The following HACE1 variants were observed in gnomAD, a reference collection of about 807,000 sequenced individuals.
The protein encoded by HACE1 is E3 ubiquitin-protein ligase HACE1.
In HACE1, 73 loss-of-function variants were observed where a neutral mutation model predicts 118.4. The observed-to-expected ratio is 0.62, with a 90% CI of 0.51 to 0.75. The LOEUF (loss-of-function observed/expected upper bound fraction) is 0.75, where lower values mean the gene tolerates loss of function less well. HACE1 is among the 30% of genes least tolerant of loss of function. HACE1 has a pLI of 0.00. For missense variants in HACE1, 749 were observed against 1,102.2 expected (o/e 0.68, Z 4.54); for synonymous variants, 368 against 374.8 (o/e 0.98, Z 0.21).
intron 10 of HACE1, among the ~76,000 whole-genome samples, chr6:104,793,942 T>C (rs1407401035): frequency 2.0e-5 from 3 of 152,248 alleles, no homozygotes; most frequent in Non-Finnish European, 1.5e-5. Flanking sequence ...GAGCACAGTT[T>C]AGCAGAGTAA....
At chr6:104,857,190 CATATATATTTACATATATAT>C (rs1562524544) in intron 1 of HACE1, among the ~76,000 whole-genome samples, 1 of 143,986 alleles carries the variant, frequency 6.9e-6, no homozygotes, top group African/African-American at 2.6e-5. Context: ...TATATATTTA[CATATATATTTACATATATAT>C]ATATATATTC....
At chr6:104,820,052 G>A (rs993769058) in intron 6 of HACE1, among the ~76,000 whole-genome samples, 2 of 151,910 alleles carry the variant, frequency 1.3e-5, no homozygotes, top group African/African-American at 2.4e-5. Context: ...AAAATTAGCC[G>A]GGAATGGTGG....
At chr6:104,743,932 A>G (rs1371192043) in intron 22 of HACE1, among the ~76,000 whole-genome samples, 1 of 152,124 alleles carries the variant, frequency 6.6e-6, no homozygotes, top group Non-Finnish European at 1.5e-5. Context: ...TATACTGATA[A>G]TCCTAACTGG....
chr6:104,744,351 T>G (rs1777171978), intron 21 of HACE1, 121 bp from the exon 22 acceptor site: 10 of 841,246 alleles, frequency 1.2e-5, no homozygotes, highest in Non-Finnish European at 2.1e-5. Context: ...TTACCAAAAA[T>G]GATTTCATGC....
At chr6:104,805,466 C>T (rs113188535) in intron 7 of HACE1, among the ~76,000 whole-genome samples, 9 of 152,000 alleles carry the variant, frequency 5.9e-5, no homozygotes, top group Non-Finnish European at 1.2e-4. Context: ...AATGTCCATC[C>T]GTGATAGACT....
At chr6:104,806,752 G>A (rs1390604273) in intron 7 of HACE1, among the ~76,000 whole-genome samples, 1 of 152,050 alleles carries the variant, frequency 6.6e-6, no homozygotes, top group Non-Finnish European at 1.5e-5. Context: ...TCAAGAAATT[G>A]CCAATGTATT....
At chr6:104,769,178 C>A (rs940078903) in intron 19 of HACE1, among the ~76,000 whole-genome samples, 3 of 151,996 alleles carry the variant, frequency 2.0e-5, no homozygotes, top group Non-Finnish European at 4.4e-5. Context: ...AGGACTGTAG[C>A]CACACAAAAC....
intron 22 of HACE1, among the ~76,000 whole-genome samples, chr6:104,740,467 A>G (rs955742573): frequency 6.6e-6 from 1 of 152,230 alleles, no homozygotes; most frequent in African/African-American, 2.4e-5. Context: ...CTAAAAAATG[A>G]TAAAGGGGAT....
chr6:104,771,488 CA>C, intron 18 of HACE1, 99 bp from the exon 19 acceptor site: 1 of 735,058 alleles, frequency 1.4e-6, no homozygotes, highest in Non-Finnish European at 2.4e-6. Context: ...TGAAAAACTG[CA>C]AAATATAATA....
intron 12 of HACE1, among the ~76,000 whole-genome samples, 155 bp downstream of exon 12, chr6:104,784,830 T>A (rs1782163369): frequency 6.6e-6 from 1 of 152,124 alleles, no homozygotes. Context: ...TATTTAAATA[T>A]TCCCTACTAG....
At chr6:104,791,923 T>C (rs1422110500) in intron 10 of HACE1, among the ~76,000 whole-genome samples, 2 of 152,188 alleles carry the variant, frequency 1.3e-5, no homozygotes, top group African/African-American at 4.8e-5. Flanking sequence ...TCCTTTAGAA[T>C]AGTTGGTTTC....
intron 11 of HACE1, among the ~76,000 whole-genome samples, chr6:104,790,551 G>A (rs941260757): frequency 1.6e-4 from 24 of 152,192 alleles, no homozygotes; most frequent in African/African-American, 4.8e-4. Context: ...CCAGGAGTTC[G>A]AGACTAGCCT....
intron 22 of HACE1, among the ~76,000 whole-genome samples, chr6:104,737,547 G>A (rs986129434): frequency 6.6e-6 from 1 of 152,126 alleles, no homozygotes; most frequent in Admixed American, 6.5e-5. Flanking sequence ...TTCCCTTTCT[G>A]AGTCAAAGAA....
intron 13 of HACE1, 102 bp downstream of exon 13, chr6:104,784,314 AT>A (rs1157696591): frequency 5.5e-6 from 5 of 907,296 alleles, no homozygotes; most frequent in African/African-American, 4.9e-5. Flanking sequence ...GTTATTGAGC[AT>A]ATTTTGAATA....
At chr6:104,845,334 T>A (rs1252054727) in intron 4 of HACE1, among the ~76,000 whole-genome samples, 2 of 152,136 alleles carry the variant, frequency 1.3e-5, no homozygotes, top group African/African-American at 4.8e-5. Context: ...TAGCTAAAAT[T>A]CTCATTGATT....
intron 22 of HACE1, among the ~76,000 whole-genome samples, chr6:104,738,686 G>C (rs1220301590): frequency 6.7e-6 from 1 of 149,870 alleles, no homozygotes; most frequent in Non-Finnish European, 1.5e-5. Context: ...CCAAATCTAT[G>C]TCTGATTGGT....
intron 14 of HACE1, among the ~76,000 whole-genome samples, chr6:104,781,215 A>G (rs1232450617): frequency 1.3e-5 from 2 of 152,196 alleles, no homozygotes; most frequent in African/African-American, 4.8e-5. Flanking sequence ...ACAGACTCAT[A>G]GATTCCTGTT....
intron 19 of HACE1, among the ~76,000 whole-genome samples, chr6:104,760,608 C>A (rs141738619): frequency 6.6e-5 from 10 of 152,170 alleles, no homozygotes; most frequent in African/African-American, 2.2e-4. Context: ...GGGAAAAAAA[C>A]GGGAAGCATT....
chr6:104,810,085 A>C (rs1771438522), intron 7 of HACE1, among the ~76,000 whole-genome samples: 1 of 152,074 alleles, frequency 6.6e-6, no homozygotes, highest in African/African-American at 2.4e-5. Context: ...CTGGAGGTTC[A>C]AAAAAGGTCT....
Sources: allele counts gnomAD v4.1 joint callset (sites outside exome capture counted in the v4.1 genomes callset), GRCh38; gene constraint gnomAD v4.1.1; transcripts MANE v1.5; gene names NCBI Gene and HGNC (gene_info 2026-07-23, HGNC 2026-07-21).